HGD: variants seen among roughly 807,000 people sequenced by gnomAD.
HGD encodes homogentisate 1,2-dioxygenase, also known as homogentisate oxidase.
In HGD, 61 loss-of-function variants were observed where a neutral mutation model predicts 60.8. The observed-to-expected ratio is 1.00, with a 90% CI of 0.82 to 1.24. HGD has a LOEUF of 1.24. HGD is among the 50% of genes most tolerant of loss of function. HGD has a pLI of 0.00. For synonymous variants in HGD, 212 were observed against 187.7 expected, an observed-to-expected ratio of 1.13 and a Z score of -1.06; for missense variants, 542 against 547.1, an observed-to-expected ratio of 0.99 and a Z score of 0.09.
chr3:120,654,481 T>G (rs1941434824), intron 4 of HGD, among the ~76,000 whole-genome samples: 1 of 152,194 alleles, frequency 6.6e-6, no homozygotes. Context: ...CCAAGCATCA[T>G]ACTCAGAAAA....
At chr3:120,677,708 C>T (rs149500873) in intron 1 of HGD, among the ~76,000 whole-genome samples, 52 of 152,336 alleles carry the variant, frequency 3.4e-4, no homozygotes, top group African/African-American at 1.1e-3. Context: ...GTGACCCACA[C>T]CTATTTGCAC....
chr3:120,669,059 A>G (rs189491933), intron 4 of HGD, among the ~76,000 whole-genome samples: 31 of 152,332 alleles, frequency 2.0e-4, no homozygotes, highest in African/African-American at 7.2e-4. Context: ...GCCCACTATT[A>G]CTAGACCAAA....
Position 120,650,684 on chromosome 3 carries a change from T to C in HGD, c.434+90A>G, listed in dbSNP as rs1421223838. The C allele has an allele frequency of 3.4e-6, 3 of 894,032 alleles. No individual in the cohort carries two copies. The African/African-American group carries it at 4.9e-5, about 15-fold the overall frequency. 55.4% of individuals were successfully genotyped at this position (894,032 alleles called of 1,614,324 possible). Reference sequence around the variant, plus strand: ...AAAAACAACTATGTATGTGCATATGTGACTTCACAAGAGTGAAACCTGGAG... The same window carrying C: ...AAAAACAACTATGTATGTGCATATGCGACTTCACAAGAGTGAAACCTGGAG... On this transcript the variant is annotated intron_variant, in intron 6 of 13. Coordinates refer to ENST00000283871, the MANE Select transcript of HGD (RefSeq NM_000187.4).
intron 4 of HGD, among the ~76,000 whole-genome samples, chr3:120,663,334 C>T (rs895342349): frequency 1.6e-4 from 25 of 151,914 alleles, no homozygotes; most frequent in Non-Finnish European, 2.2e-4. Context: ...AAGACATTCC[C>T]GAGAAGGAGT....
At chr3:120,670,786 C>T (rs1708009808) in intron 3 of HGD, among the ~76,000 whole-genome samples, 1 of 152,150 alleles carries the variant, frequency 6.6e-6, no homozygotes. Flanking sequence ...TATTTCCATG[C>T]TGCCAAAAAA....
intron 11 of HGD, among the ~76,000 whole-genome samples, chr3:120,639,018 C>A (rs904162182): frequency 7.9e-5 from 12 of 152,190 alleles, no homozygotes; most frequent in Non-Finnish European, 1.3e-4. Flanking sequence ...CATGCTTTTG[C>A]TCCTCCTTCG....
intron 12 of HGD, among the ~76,000 whole-genome samples, chr3:120,636,057 G>A (rs1334727471): frequency 6.8e-6 from 1 of 146,114 alleles, no homozygotes; most frequent in Non-Finnish European, 1.5e-5. Context: ...GATTGCTTGA[G>A]TTTAGGAGTT....
rs1333488228 is a variant in HGD at position 120,628,443 on chromosome 3, C to T, written c.1275G>A (p.Lys425=). The change falls in exon 14 of 14, where the codon AAG becomes AAA. Residue 425 remains lysine, a synonymous_variant. Transcript: ENST00000283871. ...AGTGGCTCTTGAGTGGCTCCCAGCA[C>T]TTGTGGTAGTTCTCATCCAAACACC... ...ASRCLDENYH[K]CWEPLKSHFT... 1 of 1,614,054 alleles carries T rather than the reference C, an allele frequency of 6.2e-7. No individual in the cohort carries two copies. Among genetic ancestry groups the T allele is most frequent in the Admixed American group, 1.7e-5 (1 of 60,016 alleles).
At chr3:120,649,863 G>T (rs1197587208) in intron 6 of HGD, among the ~76,000 whole-genome samples, 1 of 152,154 alleles carries the variant, frequency 6.6e-6, no homozygotes, top group African/African-American at 2.4e-5. Flanking sequence ...AGGTAAGAGG[G>T]TGGAAACGAC....
At chr3:120,682,017 T>C (rs1452843809) in intron 1 of HGD, 80 bp downstream of exon 1, 1 of 1,359,636 alleles carries the variant, frequency 7.4e-7, no homozygotes, top group African/African-American at 1.4e-5. Flanking sequence ...CTTTTCCAAC[T>C]CTGATACCCT....
rs917669203 is a variant in HGD, at chr3:120,631,431, G to A, written c.1188+1716C>T. Among the ~76,000 whole-genome samples, 13 of 152,072 alleles carry A rather than the reference G, an allele frequency of 8.5e-5. No individual in the cohort carries two copies. In the East Asian group the frequency reaches 1.7e-3, roughly 20 times the overall value. ...CCATTTATCTTGATGTGATTATTAC[G>A]TATCATATGCCTGTATCATCATATC... On this transcript the variant is annotated intron_variant, in intron 13 of 13. Transcript: ENST00000283871.
chr3:120,665,530 A>T (rs1374933750), intron 4 of HGD, among the ~76,000 whole-genome samples: 1 of 152,252 alleles, frequency 6.6e-6, no homozygotes, highest in African/African-American at 2.4e-5. Context: ...AAAATTAGGT[A>T]TACTTCTTAT....
chr3:120,640,442 A>G (rs1940933934), intron 11 of HGD, among the ~76,000 whole-genome samples: 1 of 152,194 alleles, frequency 6.6e-6, no homozygotes, highest in Non-Finnish European at 1.5e-5. Flanking sequence ...AAGAGCATCA[A>G]ACACCATGCT....
At position 120,675,708 on chromosome 3, in the gene HGD, CG is replaced by C; in HGVS notation, c.87+83del. On this transcript the variant is annotated intron_variant, in intron 2 of 13. Transcript: ENST00000283871. The stretch of plus-strand genomic sequence containing the variant: ...TTCACAGGCTAGATTGGAAGAGCCA[CG>C]GTGGGTGGAGGCACTTTGGCCTGAA... 3.0e-6 allele frequency: 3 copies of C among 1,012,368 alleles called. No individual in the cohort carries two copies. The Admixed American group carries it at 5.1e-5, about 17-fold the overall frequency. 62.7% of individuals were successfully genotyped at this position (1,012,368 alleles called of 1,614,324 possible).
Position 120,674,923 on chromosome 3 carries a change from G to T in HGD, c.154C>A (p.Pro52Thr). 1 of 1,610,476 alleles carries T rather than the reference G, an allele frequency of 6.2e-7. No homozygotes were observed. The highest frequency in any genetic ancestry group is 8.5e-7 in the Non-Finnish European group (1 of 1,176,992). Residue 52 changes from proline to threonine, a missense_variant, in exon 3 of 14, where the codon CCA (proline) becomes ACA (threonine). By Grantham distance (38) the Pro-to-Thr change is conservative. Coordinates refer to ENST00000283871, the MANE Select transcript of HGD (RefSeq NM_000187.4). Reference sequence around the variant, plus strand: ...TACCTTCTCTTATTGGTGCTCCGTGGACAAGTGAAAGCCGATCCTGAGAGC... The same window carrying T: ...TACCTTCTCTTATTGGTGCTCCGTGTACAAGTGAAAGCCGATCCTGAGAGC... ...EQLSGSAFTC[P>T]RSTNKRSWLY...
intron 11 of HGD, among the ~76,000 whole-genome samples, chr3:120,641,376 A>G (rs1043140813): frequency 2.0e-5 from 3 of 152,224 alleles, no homozygotes. Context: ...TCTGTAGAGA[A>G]TGAAGCTATG....
In HGD at chr3:120,652,603, C is replaced by T; in HGVS notation, c.331G>A (p.Asp111Asn). The T allele has an allele frequency of 6.2e-7, 1 of 1,612,642 alleles. No homozygotes were observed. The highest frequency in any genetic ancestry group is 8.5e-7 in the Non-Finnish European group (1 of 1,178,802). The change falls in exon 5 of 14, where the codon GAC becomes AAC. Residue 111 changes from aspartate (D) to asparagine (N), a missense_variant. This residue lies in a region of HGD where 537 missense variants were observed against 529.1 expected (regional missense o/e 1.01). Coordinates refer to ENST00000283871, the MANE Select transcript of HGD (RefSeq NM_000187.4). ...EIPKASQKKV[D>N]FVSGLHTLCG... ...TGGGACTGACTTACACTCACAAAGT[C>T]TACTTTCTTCTGAGATGCTTTTGGA...
intron 4 of HGD, among the ~76,000 whole-genome samples, chr3:120,668,913 C>T (rs2031072): frequency 1.3e-5 from 2 of 152,134 alleles, no homozygotes; most frequent in South Asian, 4.1e-4. Context: ...CACTGGGGTT[C>T]TCAGAAGGTT....
intron 5 of HGD, among the ~76,000 whole-genome samples, chr3:120,651,930 C>T (rs941456193): frequency 1.3e-5 from 2 of 152,146 alleles, no homozygotes; most frequent in Non-Finnish European, 2.9e-5. Flanking sequence ...TTTACTTTTG[C>T]TAATCTCTGA....
Sources: allele counts gnomAD v4.1 joint callset (sites outside exome capture counted in the v4.1 genomes callset), GRCh38; gene constraint gnomAD v4.1.1; regional missense constraint gnomAD v4.1.1; transcripts MANE v1.5; gene names NCBI Gene and HGNC (gene_info 2026-07-23, HGNC 2026-07-21).